GLIS3: variants seen among roughly 807,000 people sequenced by gnomAD.
The protein encoded by GLIS3 is zinc finger protein GLIS3.
In GLIS3, 53 loss-of-function variants were observed where a neutral mutation model predicts 78.6. That is an observed-to-expected ratio of 0.67 (90% CI 0.54 to 0.85). The LOEUF (loss-of-function observed/expected upper bound fraction) is 0.85. Ranked by LOEUF, GLIS3 falls within the 40% of genes least tolerant of loss-of-function variation. GLIS3 has a pLI of 0.00. For synonymous variants in GLIS3, 684 were observed against 509.9 expected (o/e 1.34, Z -4.60); for missense variants, 1,703 against 1,231.1 (o/e 1.38, Z -5.74).
chr9:4,338,114 A>C (rs1198761345), intron 2 of GLIS3, among the ~76,000 whole-genome samples: 1 of 151,560 alleles, frequency 6.6e-6, no homozygotes, highest in Non-Finnish European at 1.5e-5. Flanking sequence ...ACTTCTTTTC[A>C]CAGGAGTCAG....
At chr9:4,284,055 GT>G (rs1318477005) in intron 2 of GLIS3, among the ~76,000 whole-genome samples, 2 of 152,190 alleles carry the variant, frequency 1.3e-5, no homozygotes, top group Non-Finnish European at 2.9e-5. Context: ...AGCACCTGAG[GT>G]TTTTTAAGAA....
rs978520747 is a variant in GLIS3, at chr9:4,070,306, A to T, written c.1710+47462T>A. 5.8e-4 allele frequency among the ~76,000 whole-genome samples: 89 copies of T among 152,304 alleles called. 1 individual carries two copies. The highest frequency in any genetic ancestry group is 2.1e-3 in the African/African-American group (87 of 41,568). ...ATTTAATGGATAATGACTTAGGATA[A>T]GTTCAGCTTTGCACCAGGGAAAACT... On this transcript the variant is annotated intron_variant, in intron 4 of 10. Coordinates refer to ENST00000381971, the MANE Select transcript of GLIS3 (RefSeq NM_001042413.2).
chr9:4,286,046 G>A lies in GLIS3; in HGVS notation c.380C>T (p.Pro127Leu), dbSNP rs182084153. 4.7e-5 allele frequency: 76 copies of A among 1,613,986 alleles called. No homozygotes were observed. Among genetic ancestry groups the A allele is most frequent in the African/African-American group, 2.8e-4 (21 of 75,024 alleles). Residue 127 changes from proline (P) to leucine (L), a missense_variant, in exon 2 of 11, where the codon CCT (proline) becomes CTT (leucine). Physicochemically the swap from Pro to Leu is moderately conservative, Grantham distance 98. Transcript: ENST00000381971. ...QEFGSPFPPNPGKGALGFGPQ... is the reference protein window; with the variant it reads ...QEFGSPFPPNLGKGALGFGPQ... ...CAGAAAGACAATCCTACCTTTCCCA[G>A]GATTTGGAGGAAAAGGGCTTCCAAA...
intron 2 of GLIS3, among the ~76,000 whole-genome samples, chr9:4,184,739 T>C (rs749190343): frequency 6.6e-6 from 1 of 152,226 alleles, no homozygotes; most frequent in Non-Finnish European, 1.5e-5. Flanking sequence ...CTCTCCCCTA[T>C]ACAACATCTG....
At chr9:4,466,177 C>T in the GLIS3 span, among the ~76,000 whole-genome samples, 1 of 152,168 alleles carries the variant, frequency 6.6e-6, no homozygotes, top group African/African-American at 2.4e-5. Context: ...TAATGAACAA[C>T]TTTATGCCAA....
chr9:4,293,145 C>G (rs1304046387), intron 1 of GLIS3, among the ~76,000 whole-genome samples: 1 of 152,220 alleles, frequency 6.6e-6, no homozygotes, highest in Non-Finnish European at 1.5e-5. Context: ...CATTCATTAT[C>G]CTTTAGTCTG....
chr9:4,020,427 C>T (rs1822789479), intron 4 of GLIS3, among the ~76,000 whole-genome samples: 1 of 152,160 alleles, frequency 6.6e-6, no homozygotes, highest in East Asian at 1.9e-4. Flanking sequence ...ACCAAGCATG[C>T]TGTTCATTGA....
At chr9:3,996,896 T>A (rs1372469659) in intron 4 of GLIS3, among the ~76,000 whole-genome samples, 1 of 152,166 alleles carries the variant, frequency 6.6e-6, no homozygotes, top group Non-Finnish European at 1.5e-5. Context: ...TGTATGTCAA[T>A]AAATTTGTAA....
intron 2 of GLIS3, among the ~76,000 whole-genome samples, chr9:4,232,101 G>C (rs1362274658): frequency 6.6e-6 from 1 of 152,066 alleles, no homozygotes; most frequent in African/African-American, 2.4e-5. Flanking sequence ...GACAGGACTG[G>C]GCATGGAGAC....
chr9:4,471,614 A>G, the GLIS3 span, among the ~76,000 whole-genome samples: 1 of 152,248 alleles, frequency 6.6e-6, no homozygotes, highest in African/African-American at 2.4e-5. Context: ...TTCAAGATGG[A>G]TTAAAGACTT....
Position 4,286,205 on chromosome 9 carries a change from A to C in GLIS3, c.221T>G (p.Val74Gly). 1.2e-6 allele frequency: 2 copies of C among 1,614,226 alleles called. No homozygotes were observed. Among genetic ancestry groups the C allele is most frequent in the Non-Finnish European group, 1.7e-6 (2 of 1,180,040 alleles). ...AGGCAGATGGATGCGGCTCTCAGCC[A>C]CGTTGTTCTGAGGAGCCATCCCTCC... ...SGGGMAPQNN[V>G]AESRIHLPAL... Residue 74 changes from valine to glycine, a missense_variant, in exon 2 of 11, where the codon GTG (valine) becomes GGG (glycine). Transcript: ENST00000381971.
chr9:4,181,775 G>C (rs1475738500), intron 2 of GLIS3, among the ~76,000 whole-genome samples: 2 of 152,148 alleles, frequency 1.3e-5, no homozygotes, highest in Non-Finnish European at 2.9e-5. Context: ...GGAGTCCTGT[G>C]ATCACTAGGC....
At chr9:4,305,343 G>C (rs1201745691) in intron 4 of GLIS3, 3 of 152,204 alleles carry the variant, frequency 2.0e-5, no homozygotes, top group African/African-American at 7.2e-5. Context: ...CCTTGAGCTG[G>C]TTCCTAAACC....
chr9:4,279,234 G>A (rs1827302550), intron 2 of GLIS3, among the ~76,000 whole-genome samples: 1 of 146,246 alleles, frequency 6.8e-6, no homozygotes, highest in Admixed American at 7.0e-5. Context: ...GGAGGCAGAG[G>A]TTGCAGTGAG....
chr9:3,881,730 G>A lies in GLIS3; in HGVS notation c.2129-2135C>T, dbSNP rs111781009. Among the ~76,000 whole-genome samples the A allele has an allele frequency of 3.6e-3, 546 of 152,274 alleles. 4 individuals are homozygous for A. The highest frequency in any genetic ancestry group is 0.013 in the African/African-American group (531 of 41,566). ...TTATTTTTATATTCCATATTGATAA[G>A]TGTCTATTACGTACTTGATACTCTA... is the stretch of plus-strand genomic sequence containing the variant. On this transcript the variant is annotated intron_variant, in intron 7 of 10. Transcript: ENST00000381971.
chr9:4,204,893 G>T (rs11790393), intron 2 of GLIS3, among the ~76,000 whole-genome samples: 14,176 of 141,522 alleles, frequency 0.1, 1,276 homozygotes, highest in African/African-American at 0.25. Flanking sequence ...TTGCCTGGGT[G>T]ACAAAGCAAA....
At chr9:4,466,125 C>G in the GLIS3 span, among the ~76,000 whole-genome samples, 1 of 152,084 alleles carries the variant, frequency 6.6e-6, no homozygotes, top group Non-Finnish European at 1.5e-5. Context: ...AAAGAAAAGG[C>G]ATCAGTGCAG....
chr9:4,179,885 G>C (rs1239708261), intron 2 of GLIS3, among the ~76,000 whole-genome samples: 7 of 149,648 alleles, frequency 4.7e-5, no homozygotes, highest in Admixed American at 1.3e-4. Context: ...ACTCCAGCCT[G>C]GGTGAGAGAG....
chr9:4,036,900 A>T (rs142748691), intron 4 of GLIS3, among the ~76,000 whole-genome samples: 68 of 152,280 alleles, frequency 4.5e-4, no homozygotes, highest in Non-Finnish European at 7.9e-4. Context: ...AAAGACCAGT[A>T]GAGGGGCTAA....
Sources: gnomAD v4.1 joint callset for allele counts (sites outside exome capture counted in the v4.1 genomes callset) on GRCh38, gnomAD v4.1.1 for gene constraint, MANE v1.5 for transcripts, NCBI Gene and HGNC (gene_info 2026-07-23, HGNC 2026-07-21) for gene names.